The following MICU3 variants were observed in gnomAD, a reference collection of about 807,000 sequenced individuals.
MICU3 encodes mitochondrial calcium uptake 3.
MICU3 carries 62 observed loss-of-function variants against 66.5 expected under a neutral mutation model. The observed-to-expected ratio is 0.93, with a 90% CI of 0.76 to 1.15. The LOEUF is 1.15. Among genes scored for constraint, MICU3 ranks in the 50% most tolerant of loss-of-function variants. MICU3 has a pLI of 0.00. For missense variants in MICU3, 779 were observed against 664.4 expected (o/e 1.17, Z -1.90); for synonymous variants, 308 against 240.7 (o/e 1.28, Z -2.59).
intron 8 of MICU3, among the ~76,000 whole-genome samples, chr8:17,094,134 T>G (rs879393071): frequency 1.3e-5 from 2 of 152,040 alleles, no homozygotes; most frequent in Admixed American, 1.3e-4. Context: ...CTTTTTGTAC[T>G]TTATGTAACT....
rs559522526 is a variant in MICU3 at position 17,103,392 on chromosome 8, A to G, written c.985-999A>G. ...TGTCTTATGTTTTCTATGGAGTACT[A>G]TAAGAGTTCTGGACAAAAAGCTAAA... On this transcript the variant is annotated intron_variant, in intron 9 of 14. Coordinates refer to ENST00000318063, the MANE Select transcript of MICU3 (RefSeq NM_181723.3). 5.7e-4 allele frequency among the ~76,000 whole-genome samples: 86 copies of G among 152,046 alleles called. 1 individual carries two copies. Among genetic ancestry groups the G allele is most frequent in the Admixed American group, 1.8e-3 (27 of 15,256 alleles).
At chr8:17,045,611 C>T (rs1814944939) in intron 1 of MICU3, among the ~76,000 whole-genome samples, 1 of 152,194 alleles carries the variant, frequency 6.6e-6, no homozygotes, top group Non-Finnish European at 1.5e-5. Context: ...GGGTGGCATA[C>T]CCGGGCTGGC....
At chr8:17,109,760 A>C (rs77899095) in intron 11 of MICU3, among the ~76,000 whole-genome samples, 230 of 152,356 alleles carry the variant, frequency 1.5e-3, no homozygotes, top group African/African-American at 5.2e-3. Context: ...AATTTTTAAA[A>C]TGCCATGGGA....
At chr8:17,036,879 T>C (rs1002107338) in intron 1 of MICU3, among the ~76,000 whole-genome samples, 5 of 152,118 alleles carry the variant, frequency 3.3e-5, no homozygotes, top group African/African-American at 9.7e-5. Flanking sequence ...TGGTGCTCGT[T>C]GGGGAGGCTT....
intron 1 of MICU3, among the ~76,000 whole-genome samples, chr8:17,040,262 T>C (rs546699268): frequency 6.6e-6 from 1 of 152,236 alleles, no homozygotes; most frequent in Non-Finnish European, 1.5e-5. Flanking sequence ...GAAGATTTAT[T>C]CATTACCCAC....
chr8:17,132,138 G>C, the MICU3 span: 2 of 152,274 alleles, frequency 1.3e-5, no homozygotes, highest in African/African-American at 2.4e-5. Context: ...AAGACTAATT[G>C]TGAATTTAAC....
the MICU3 span, among the ~76,000 whole-genome samples, chr8:17,134,956 A>C: frequency 3.3e-5 from 5 of 152,218 alleles, no homozygotes; most frequent in Non-Finnish European, 7.3e-5. Flanking sequence ...CAACACCTTT[A>C]TACTATACCA....
chr8:17,040,783 T>C (rs977720749), intron 1 of MICU3, among the ~76,000 whole-genome samples: 2 of 152,210 alleles, frequency 1.3e-5, no homozygotes, highest in Non-Finnish European at 2.9e-5. Context: ...GCTGGTTAAC[T>C]TTCCATGATT....
intron 9 of MICU3, among the ~76,000 whole-genome samples, chr8:17,101,053 C>A (rs536481372): frequency 6.6e-6 from 1 of 151,874 alleles, no homozygotes; most frequent in African/African-American, 2.4e-5. Context: ...GGGTTATTAT[C>A]ACATTATAAT....
intron 8 of MICU3, among the ~76,000 whole-genome samples, chr8:17,091,661 A>G (rs1800071342): frequency 6.6e-6 from 1 of 152,098 alleles, no homozygotes; most frequent in Non-Finnish European, 1.5e-5. Context: ...CATAGGATCC[A>G]TATAAGTAAT....
chr8:17,096,955 TTGTGTGTGTGTGTGTGTGTG>T (rs3988378), intron 8 of MICU3, among the ~76,000 whole-genome samples: 20 of 141,650 alleles, frequency 1.4e-4, no homozygotes, highest in Middle Eastern at 3.5e-3. Context: ...CTAAATATAT[TTGTGTGTGTGTGTGTGTGTG>T]TGTGTGTGTG....
intron 7 of MICU3, among the ~76,000 whole-genome samples, chr8:17,088,918 A>G (rs1161755666): frequency 6.6e-6 from 1 of 152,000 alleles, no homozygotes; most frequent in Non-Finnish European, 1.5e-5. Flanking sequence ...TAGATTAATT[A>G]GGGAAAATCC....
At chr8:17,046,425 A>G (rs1375503332) in intron 1 of MICU3, among the ~76,000 whole-genome samples, 1 of 152,192 alleles carries the variant, frequency 6.6e-6, no homozygotes, top group Non-Finnish European at 1.5e-5. Context: ...GCGTTTACAA[A>G]CAAATACCTC....
chr8:17,118,859 G>C (rs907616891), intron 14 of MICU3, 84 bp downstream of exon 14: 11 of 791,934 alleles, frequency 1.4e-5, no homozygotes. Flanking sequence ...TTAGAAAATA[G>C]CTGAAAGAAA....
chr8:17,030,320 A>T (rs750679748), intron 1 of MICU3, among the ~76,000 whole-genome samples: 3 of 152,198 alleles, frequency 2.0e-5, no homozygotes, highest in African/African-American at 7.2e-5. Context: ...CTTACTTGAG[A>T]ACCTCTCAGA....
At position 17,100,758 on chromosome 8, in the gene MICU3, C is replaced by T. The variant is rs1335018432; in HGVS notation, c.984+2205C>T. On this transcript the variant is annotated intron_variant, in intron 9 of 14. Coordinates refer to ENST00000318063, the MANE Select transcript of MICU3 (RefSeq NM_181723.3). ...CTCCGTGTCTCCAATTACTGTGAAA[C>T]CATATAATGAAAATTTGAATATCAG... 4.0e-5 allele frequency among the ~76,000 whole-genome samples: 6 copies of T among 151,556 alleles called. No individual in the cohort carries two copies. In the South Asian group the frequency reaches 6.2e-4, roughly 16 times the overall value.
chr8:17,035,735 T>C (rs948479576), intron 1 of MICU3, among the ~76,000 whole-genome samples: 1 of 152,180 alleles, frequency 6.6e-6, no homozygotes, highest in East Asian at 1.9e-4. Flanking sequence ...TTGGAAGTTA[T>C]GTTTAAAAGG....
chr8:17,082,477 T>C (rs995732698), intron 5 of MICU3, among the ~76,000 whole-genome samples: 4 of 152,190 alleles, frequency 2.6e-5, no homozygotes, highest in African/African-American at 9.6e-5. Context: ...TGCATATTCT[T>C]CATATCAGAC....
chr8:17,060,866 T>C (rs1817730915), intron 1 of MICU3, among the ~76,000 whole-genome samples: 1 of 151,870 alleles, frequency 6.6e-6, no homozygotes, highest in Admixed American at 6.6e-5. Flanking sequence ...TCTTTTAAAG[T>C]GGTGCTAAAT....
Sources: gnomAD v4.1 joint callset for allele counts (sites outside exome capture counted in the v4.1 genomes callset) on GRCh38, gnomAD v4.1.1 for gene constraint, MANE v1.5 for transcripts, NCBI Gene and HGNC (gene_info 2026-07-23, HGNC 2026-07-21) for gene names.